KCNH6: variants seen among roughly 807,000 people sequenced by gnomAD.
KCNH6 encodes the protein potassium voltage-gated channel subfamily H member 6, also known as voltage-gated inwardly rectifying potassium channel KCNH6.
In KCNH6, 81 loss-of-function variants were observed where a neutral mutation model predicts 83.4. The ratio of observed to expected loss-of-function variants is 0.97; its 90% confidence interval spans 0.81 to 1.17. The LOEUF is 1.17. KCNH6 is among the 50% of genes most tolerant of loss of function. KCNH6 has a pLI of 0.00. For missense variants in KCNH6, 1,203 were observed against 1,290.5 expected, an observed-to-expected ratio of 0.93 and a Z score of 1.04; for synonymous variants, 503 against 545.6, an observed-to-expected ratio of 0.92 and a Z score of 1.09.
At chr17:63,530,946 G>A (rs1174436107) in intron 4 of KCNH6, among the ~76,000 whole-genome samples, 3 of 152,160 alleles carry the variant, frequency 2.0e-5, no homozygotes, top group Admixed American at 2.0e-4. Flanking sequence ...GGTGTGGGGG[G>A]GGGTCCCAGC....
At chr17:63,545,370 C>T in intron 12 of KCNH6, 106 bp downstream of exon 12, 1 of 1,219,720 alleles carries the variant, frequency 8.2e-7, no homozygotes, top group South Asian at 1.4e-5. Flanking sequence ...TCTGTGGCCC[C>T]AGAGCAGCCA....
chr17:63,534,272 C>T lies in KCNH6; in HGVS notation c.1062C>T (p.Ile354=). ...TCCTCATTGACATGGTGGCCGCCAT[C>T]CCTTTCGACCTCCTGATCTTCCGCA... ...GWFLIDMVAA[I]PFDLLIFRTG... The change falls in exon 5 of 13, where the codon ATC becomes ATT. Residue 354 remains isoleucine (I), a synonymous_variant. Coordinates refer to ENST00000314672, the MANE Select transcript of KCNH6 (RefSeq NM_001278919.2). The surrounding 1 kb of genome is among the most constrained non-coding windows in gnomAD (Gnocchi z 5.0). 6.2e-7 allele frequency: 1 copy of T among 1,614,054 alleles called. No individual in the cohort carries two copies.
At position 63,523,417 on chromosome 17, in the gene KCNH6, C is replaced by A. The variant is rs1194428693; in HGVS notation, c.4C>A (p.Pro2Thr). Residue 2 changes from proline (P) to threonine (T), a missense_variant, in exon 1 of 13, where the codon CCG (proline) becomes ACG (threonine). Coordinates refer to ENST00000314672, the MANE Select transcript of KCNH6 (RefSeq NM_001278919.2). The surrounding 1 kb of genome is among the most constrained non-coding windows in gnomAD (Gnocchi z 4.2). ...GGGCAGGGGCCGCGGCCGAAAGATG[C>A]CGGTCCGCAGGGGCCACGTCGCTCC... is the stretch of plus-strand genomic sequence containing the variant. M[P>T]VRRGHVAPQN... 1.9e-6 allele frequency: 3 copies of A among 1,593,186 alleles called. No homozygotes were observed. Among genetic ancestry groups the A allele is most frequent in the Non-Finnish European group, 2.6e-6 (3 of 1,170,746 alleles).
In KCNH6 at chr17:63,535,242, G is replaced by A. The variant is rs1170249188; in HGVS notation, c.1102-427G>A. On this transcript the variant is annotated intron_variant, in intron 5 of 12. Transcript: ENST00000314672. This position sits in a 1 kb window ranked among gnomAD's most constrained non-coding sequence, Gnocchi z 4.9. ...CTCCTCCATCTCCCATGTGCGCATC[G>A]GGCTGCAGTGCCACACTCGGTTTCC... Among the ~76,000 whole-genome samples, 4 of 152,248 alleles carry A rather than the reference G, an allele frequency of 2.6e-5. No individual in the cohort carries two copies. The highest frequency in any genetic ancestry group is 9.6e-5 in the African/African-American group (4 of 41,552).
intron 2 of KCNH6, among the ~76,000 whole-genome samples, chr17:63,527,131 G>A (rs2031771134): frequency 6.6e-6 from 1 of 152,144 alleles, no homozygotes; most frequent in South Asian, 2.1e-4. Context: ...GAACCAGAGA[G>A]TCCCCTAATC....
rs141651344 is a variant in KCNH6, at chr17:63,541,623, C to T, written c.1955-618C>T. On this transcript the variant is annotated intron_variant, in intron 8 of 12. Transcript: ENST00000314672. Reference sequence around the variant, plus strand: ...TTGCTTTTTGAGTCACTTTCTCAAGCATCACCTCATCTGCTTCCCTGAACA... The same window carrying T: ...TTGCTTTTTGAGTCACTTTCTCAAGTATCACCTCATCTGCTTCCCTGAACA... Among the ~76,000 whole-genome samples the T allele has an allele frequency of 1.9e-3, 291 of 152,302 alleles. 1 individual carries two copies. Among genetic ancestry groups the T allele is most frequent in the African/African-American group, 6.9e-3 (287 of 41,566 alleles).
intron 6 of KCNH6, among the ~76,000 whole-genome samples, chr17:63,536,928 G>A (rs1308565427): frequency 7.5e-6 from 1 of 133,830 alleles, no homozygotes; most frequent in African/African-American, 2.9e-5. Flanking sequence ...ACTCCAGCCT[G>A]GGAGACAGAG....
chr17:63,547,883 G>A (rs1463406107), downstream of KCNH6, among the ~76,000 whole-genome samples: 1 of 151,082 alleles, frequency 6.6e-6, no homozygotes, highest in Non-Finnish European at 1.5e-5. Context: ...AGAGTCACTT[G>A]AACCTAAGAG....
chr17:63,524,978 C>A (rs2031608142), intron 2 of KCNH6, among the ~76,000 whole-genome samples: 1 of 152,114 alleles, frequency 6.6e-6, no homozygotes, highest in East Asian at 1.9e-4. Flanking sequence ...TGGAAATCCT[C>A]CCCCACCCCC....
rs201958062 is a variant in KCNH6 at position 63,545,219 on chromosome 17, G to T, written c.2538G>T (p.Thr846=). The change falls in exon 12 of 13, where the codon ACG becomes ACT. Residue 846 remains threonine, a synonymous_variant. Coordinates refer to ENST00000314672, the MANE Select transcript of KCNH6 (RefSeq NM_001278919.2). The stretch of plus-strand genomic sequence containing the variant: ...TGGTTCCTATAGCCTCGGAGACGAC[G>T]AGTCCAGGGCCCAGGCTGCCCCAGG... ...LALVPIASET[T]SPGPRLPQGF... 19 of 1,613,714 alleles carry T rather than the reference G, an allele frequency of 1.2e-5. No individual in the cohort carries two copies. In the East Asian group the frequency reaches 4.0e-4, roughly 34 times the overall value.
Position 63,534,068 on chromosome 17 carries a change from C to G in KCNH6, c.858C>G (p.Asp286Glu), listed in dbSNP as rs143123448. ...YSAAFLLSDQ[D>E]ESRRGACSYT... is the part of the protein sequence containing the mutation. The stretch of plus-strand genomic sequence containing the variant: ...CCGCCTTCCTGCTCAGCGATCAGGA[C>G]GAATCACGGCGTGGGGCCTGCAGCT... The change falls in exon 5 of 13, where the codon GAC (aspartate) becomes GAG (glutamate). Residue 286 changes from aspartate to glutamate, a missense_variant. Physicochemically the swap from Asp to Glu is conservative, Grantham distance 45. Transcript: ENST00000314672. This position sits in a 1 kb window ranked among gnomAD's most constrained non-coding sequence, Gnocchi z 5.0. 6.2e-7 allele frequency: 1 copy of G among 1,614,028 alleles called. No homozygotes were observed. Among genetic ancestry groups the G allele is most frequent in the Non-Finnish European group, 8.5e-7 (1 of 1,180,012 alleles).
intron 6 of KCNH6, 54 bp downstream of exon 6, chr17:63,536,122 A>G: frequency 2.7e-6 from 4 of 1,505,906 alleles, no homozygotes; most frequent in Non-Finnish European, 3.7e-6. Flanking sequence ...TTACCCGTGA[A>G]ATTTTATGTG....
In KCNH6 at chr17:63,545,095, C is replaced by A; in HGVS notation, c.2414C>A (p.Ser805Tyr). 6.2e-7 allele frequency: 1 copy of A among 1,613,444 alleles called. No homozygotes were observed. Among genetic ancestry groups the A allele is most frequent in the Non-Finnish European group, 8.5e-7 (1 of 1,180,014 alleles). ...AQMNRLESRV[S>Y]SDLSRILQLL... ...TCTGGCAGGCTGGAGTCCCGCGTGTCCTCAGACCTCAGCCGCATCTTGCAG... is the reference window on the plus strand; with the variant it reads ...TCTGGCAGGCTGGAGTCCCGCGTGTACTCAGACCTCAGCCGCATCTTGCAG... The change falls in exon 12 of 13, where the codon TCC (serine) becomes TAC (tyrosine). Residue 805 changes from serine to tyrosine, a missense_variant. Transcript: ENST00000314672.
At chr17:63,537,922 C>T in intron 6 of KCNH6, 143 bp from the exon 7 acceptor site, 1 of 758,930 alleles carries the variant, frequency 1.3e-6, no homozygotes, top group South Asian at 1.7e-5. Context: ...TGTGCCCTGG[C>T]GCTGTCCTGG....
Position 63,543,557 on chromosome 17 carries a change from C to G in KCNH6, c.2149-19C>G. ...CCCAGCTTTGGTTCCTGTTATTTCA[C>G]CCTCTTGCTTCCCATAAGGCAGCCG... On this transcript the variant is annotated intron_variant, in intron 9 of 12. Coordinates refer to ENST00000314672, the MANE Select transcript of KCNH6 (RefSeq NM_001278919.2). The G allele has an allele frequency of 6.4e-7, 1 of 1,557,112 alleles. No individual in the cohort carries two copies. The highest frequency in any genetic ancestry group is 1.7e-4 in the Middle Eastern group (1 of 5,962).
chr17:63,534,111 A>G lies in KCNH6; in HGVS notation c.901A>G (p.Thr301Ala). 6.9e-7 allele frequency: 1 copy of G among 1,446,958 alleles called. No homozygotes were observed. Among genetic ancestry groups the G allele is most frequent in the Admixed American group, 2.1e-5 (1 of 48,078 alleles). The allele number at this position is 1,446,958 out of a possible 1,614,324, so 89.6% of individuals were successfully genotyped here. A position where few individuals can be genotyped will look rare whatever the true frequency, so the allele number is the denominator to read the frequency against. Reference sequence around the variant, plus strand: ...CTGCAGCTATACCTGCAGTCCCCTCACTGTGGTGGATCTCATCGTGGACAT... The same window carrying G: ...CTGCAGCTATACCTGCAGTCCCCTCGCTGTGGTGGATCTCATCGTGGACAT... The part of the protein sequence containing the change: ...GACSYTCSPL[T>A]VVDLIVDIMF... The change falls in exon 5 of 13, where the codon ACT becomes GCT. Residue 301 changes from threonine to alanine, a missense_variant. By Grantham distance (58) the Thr-to-Ala change is moderately conservative. Coordinates refer to ENST00000314672, the MANE Select transcript of KCNH6 (RefSeq NM_001278919.2). This position sits in a 1 kb window ranked among gnomAD's most constrained non-coding sequence, Gnocchi z 5.0.
rs2033153760 is a variant in KCNH6 at position 63,546,609 on chromosome 17, C to T, written c.*707C>T. 6.6e-6 allele frequency: 1 copy of T among 152,344 alleles called. No individual in the cohort carries two copies. Among genetic ancestry groups the T allele is most frequent in the Non-Finnish European group, 1.5e-5 (1 of 68,172 alleles). 9.4% of individuals were successfully genotyped at this position (152,344 alleles called of 1,614,324 possible). On this transcript the variant is annotated 3_prime_UTR_variant, in exon 13 of 13. Transcript: ENST00000314672. ...ACCTGGCTGGAGATGGAGGTATGTT[C>T]TGTGGCAGACATGTCAGGACAGTCC...
intron 10 of KCNH6, 164 bp from the exon 11 acceptor site, chr17:63,544,085 C>A: frequency 6.2e-7 from 1 of 1,609,504 alleles, no homozygotes; most frequent in East Asian, 2.2e-5. Flanking sequence ...GCCAGAACTC[C>A]ATGGGGGCAG....
At chr17:63,536,360 C>T (rs1478227375) in intron 6 of KCNH6, 3 of 435,294 alleles carry the variant, frequency 6.9e-6, no homozygotes, top group East Asian at 4.3e-5. Context: ...TATTAAGAAT[C>T]GGCCAGATGC....
Sources: allele counts gnomAD v4.1 joint callset (sites outside exome capture counted in the v4.1 genomes callset), GRCh38; gene constraint gnomAD v4.1.1; non-coding constraint Gnocchi (gnomAD v3.1); transcripts MANE v1.5; gene names NCBI Gene and HGNC (gene_info 2026-07-23, HGNC 2026-07-21).